The following TENM2 variants were observed in gnomAD, a reference collection of about 807,000 sequenced individuals.
TENM2 encodes the protein teneurin-2.
Under a neutral mutation model 245.2 loss-of-function variants are expected in TENM2, and 52 were observed. That is an observed-to-expected ratio of 0.21 (90% CI 0.17 to 0.27). The LOEUF is 0.27. Ranked by LOEUF, TENM2 falls within the 10% of genes least tolerant of loss-of-function variation. TENM2 has a pLI of 1.00. For synonymous variants in TENM2, 1,363 were observed against 1,438.9 expected, an observed-to-expected ratio of 0.95 and a Z score of 1.19; for missense variants, 3,046 against 3,666.8, an observed-to-expected ratio of 0.83 and a Z score of 4.37.
chr5:167,286,916 A>G (rs940628376), intron 1 of TENM2, among the ~76,000 whole-genome samples: 1 of 152,178 alleles, frequency 6.6e-6, no homozygotes, highest in South Asian at 2.1e-4. Context: ...ATTGATAATA[A>G]TGGAGGTTGC....
intron 9 of TENM2, 36 bp downstream of exon 11, chr5:168,098,163 C>A: frequency 6.8e-7 from 1 of 1,475,666 alleles, no homozygotes; most frequent in Non-Finnish European, 9.4e-7. Context: ...GGTTGGAAAA[C>A]AGACCCTCCC....
chr5:167,058,142 T>G, the TENM2 span, among the ~76,000 whole-genome samples: 1 of 152,184 alleles, frequency 6.6e-6, no homozygotes. Context: ...TTTTTCAGTT[T>G]GTTCAGGTTT....
the TENM2 span, among the ~76,000 whole-genome samples, chr5:167,278,446 G>A: frequency 5.3e-5 from 8 of 152,186 alleles, no homozygotes; most frequent in African/African-American, 1.9e-4. Context: ...TAGGGCTTAA[G>A]TTTGCCCTTT....
chr5:167,122,116 T>A, the TENM2 span, among the ~76,000 whole-genome samples: 1 of 152,168 alleles, frequency 6.6e-6, no homozygotes, highest in Non-Finnish European at 1.5e-5. Flanking sequence ...AATGGATATA[T>A]TGCACACACC....
At chr5:168,215,859 G>C (rs1468869654) in intron 21 of TENM2, among the ~76,000 whole-genome samples, 3 of 152,184 alleles carry the variant, frequency 2.0e-5, no homozygotes, top group African/African-American at 7.2e-5. Flanking sequence ...AAAGCCCAGC[G>C]AGGGGCCTCT....
At chr5:167,694,687 T>A (rs1247645741) in intron 2 of TENM2, among the ~76,000 whole-genome samples, 2 of 152,170 alleles carry the variant, frequency 1.3e-5, no homozygotes, top group African/African-American at 2.4e-5. Flanking sequence ...CCCATCCTTT[T>A]GAGAATCGGG....
At chr5:167,043,439 G>C in the TENM2 span, among the ~76,000 whole-genome samples, 1 of 152,138 alleles carries the variant, frequency 6.6e-6, no homozygotes, top group East Asian at 1.9e-4. Flanking sequence ...TGTGTGTGGG[G>C]TGTTGAAGAG....
At chr5:168,105,918 T>C (rs866552346) in intron 9 of TENM2, among the ~76,000 whole-genome samples, 2 of 152,220 alleles carry the variant, frequency 1.3e-5, no homozygotes, top group Non-Finnish European at 1.5e-5. Flanking sequence ...TGCTTTTATG[T>C]GAAGGCTTTA....
At chr5:168,183,055 C>A (rs2152494719) in intron 13 of TENM2, among the ~76,000 whole-genome samples, 1 of 151,952 alleles carries the variant, frequency 6.6e-6, no homozygotes, top group Non-Finnish European at 1.5e-5. Flanking sequence ...TGGTCTTGAA[C>A]TCCTGACCTC....
intron 2 of TENM2, among the ~76,000 whole-genome samples, chr5:167,384,714 GCACA>G (rs1331679814): frequency 1.8e-5 from 2 of 108,608 alleles, no homozygotes; most frequent in South Asian, 2.9e-4. Context: ...GCGCACACAC[GCACA>G]CACACACACA....
chr5:167,115,819 A>G, the TENM2 span, among the ~76,000 whole-genome samples: 1 of 152,182 alleles, frequency 6.6e-6, no homozygotes, highest in South Asian at 2.1e-4. Context: ...TAATAAATAA[A>G]CTTGGTTTGG....
chr5:167,371,652 C>G (rs374399888), intron 1 of TENM2, among the ~76,000 whole-genome samples: 1 of 152,064 alleles, frequency 6.6e-6, no homozygotes, highest in African/African-American at 2.4e-5. Context: ...TGAGCCACTG[C>G]GCCCGGCCTG....
chr5:167,323,947 C>T (rs1377883482), intron 1 of TENM2, among the ~76,000 whole-genome samples: 1 of 152,160 alleles, frequency 6.6e-6, no homozygotes, highest in East Asian at 1.9e-4. Flanking sequence ...AAAAAGTCCA[C>T]CAGACTATTC....
the TENM2 span, among the ~76,000 whole-genome samples, chr5:167,241,874 G>C: frequency 4.6e-5 from 7 of 152,054 alleles, no homozygotes; most frequent in African/African-American, 1.7e-4. Context: ...TGATGGCTGA[G>C]GAAGATTGCA....
chr5:168,261,635 T>C (rs1768194457), intron 28 of TENM2, among the ~76,000 whole-genome samples: 1 of 152,214 alleles, frequency 6.6e-6, no homozygotes, highest in Non-Finnish European at 1.5e-5. Flanking sequence ...ATCAACATCC[T>C]GCCCTTCGCA....
chr5:167,831,560 A>C (rs1768497542), intron 2 of TENM2, among the ~76,000 whole-genome samples: 2 of 151,374 alleles, frequency 1.3e-5, no homozygotes, highest in Non-Finnish European at 1.5e-5. Context: ...CAATGCAATA[A>C]AAAGTATAAA....
At chr5:168,259,400 C>T (rs1447829129) in intron 27 of TENM2, among the ~76,000 whole-genome samples, 1 of 152,048 alleles carries the variant, frequency 6.6e-6, no homozygotes, top group Non-Finnish European at 1.5e-5. Context: ...CCAGCCTGAC[C>T]AACATGGAGA....
At chr5:168,101,239 T>C (rs934363407) in intron 9 of TENM2, among the ~76,000 whole-genome samples, 7 of 152,162 alleles carry the variant, frequency 4.6e-5, no homozygotes, top group African/African-American at 1.7e-4. Context: ...AAGACATTAA[T>C]GAGAAGAAGG....
chr5:167,768,816 AG>A (rs1471701330), intron 2 of TENM2, among the ~76,000 whole-genome samples: 2 of 152,204 alleles, frequency 1.3e-5, no homozygotes, highest in Non-Finnish European at 2.9e-5. Context: ...CCTATCTTAG[AG>A]TAAGTTCTCA....
Sources: gnomAD v4.1 joint callset for allele counts (sites outside exome capture counted in the v4.1 genomes callset) on GRCh38, gnomAD v4.1.1 for gene constraint, MANE v1.5 for transcripts, NCBI Gene and HGNC (gene_info 2026-07-23, HGNC 2026-07-21) for gene names.